Variants in DEPTOR observed in about 807,000 individuals in gnomAD.
The protein encoded by DEPTOR is DEP domain containing MTOR interacting protein, also known as DEP domain-containing mTOR-interacting protein.
DEPTOR carries 41 observed loss-of-function variants against 41.6 expected under a neutral mutation model. The observed-to-expected ratio is 0.98, with a 90% CI of 0.77 to 1.28. The LOEUF (loss-of-function observed/expected upper bound fraction) is 1.28. DEPTOR is among the 50% of genes most tolerant of loss of function. The pLI is 0.00. For synonymous variants in DEPTOR, 195 were observed against 192.3 expected, an observed-to-expected ratio of 1.01 and a Z score of -0.12; for missense variants, 514 against 527.9, an observed-to-expected ratio of 0.97 and a Z score of 0.26.
intron 8 of DEPTOR, among the ~76,000 whole-genome samples, chr8:120,027,875 C>G (rs1812822261): frequency 6.6e-6 from 1 of 152,078 alleles, no homozygotes; most frequent in South Asian, 2.1e-4. Context: ...TCAGAATCAC[C>G]TGGGAAACTC....
At chr8:119,999,056 G>A (rs1812310243) in intron 4 of DEPTOR, among the ~76,000 whole-genome samples, 1 of 152,024 alleles carries the variant, frequency 6.6e-6, no homozygotes, top group Non-Finnish European at 1.5e-5. Flanking sequence ...CTGAGGTTGG[G>A]AGTTTGAAAC....
intron 8 of DEPTOR, among the ~76,000 whole-genome samples, chr8:120,016,306 C>CT (rs978195505): frequency 3.7e-4 from 55 of 148,856 alleles, no homozygotes; most frequent in African/African-American, 1.2e-3. Flanking sequence ...TTTTTTTTTC[C>CT]TTTTTTTTTG....
intron 4 of DEPTOR, among the ~76,000 whole-genome samples, chr8:119,999,229 G>C (rs185784658): frequency 2.6e-4 from 40 of 151,110 alleles, no homozygotes; most frequent in Non-Finnish European, 4.6e-4. Context: ...CCGAGATTGT[G>C]CCATTGCACT....
intron 1 of DEPTOR, among the ~76,000 whole-genome samples, chr8:119,910,926 T>C (rs924247191): frequency 5.9e-5 from 9 of 152,176 alleles, no homozygotes; most frequent in African/African-American, 9.7e-5. Context: ...TTTGTGACTT[T>C]TTTGTTTCCT....
At chr8:119,892,760 G>A (rs571787867) in intron 1 of DEPTOR, among the ~76,000 whole-genome samples, 1 of 151,412 alleles carries the variant, frequency 6.6e-6, no homozygotes, top group Non-Finnish European at 1.5e-5. Context: ...GAAGAGCAGA[G>A]TCTGATTACT....
At chr8:120,039,117 T>A (rs1479879378) in intron 8 of DEPTOR, among the ~76,000 whole-genome samples, 1 of 152,160 alleles carries the variant, frequency 6.6e-6, no homozygotes, top group Non-Finnish European at 1.5e-5. Context: ...TGGGAAATGA[T>A]TAGGTCACTG....
chr8:119,979,092 G>T (rs1368681530), intron 4 of DEPTOR, among the ~76,000 whole-genome samples: 2 of 152,146 alleles, frequency 1.3e-5, no homozygotes, highest in Non-Finnish European at 2.9e-5. Context: ...GGAACGGTAT[G>T]AAGATGAAAT....
rs549539291 is a variant in DEPTOR, at chr8:119,943,488, G to A, written c.425+13550G>A. Among the ~76,000 whole-genome samples, 11 of 152,142 alleles carry A rather than the reference G, an allele frequency of 7.2e-5. No homozygotes were observed. The East Asian group carries it at 1.9e-3, about 27-fold the overall frequency. ...CTCGTGAGAACTCACTCACTATCAC[G>A]AGAACAGCATGGGGGAAACTGCCCC... On this transcript the variant is annotated intron_variant, in intron 3 of 8. Coordinates refer to ENST00000286234, the MANE Select transcript of DEPTOR (RefSeq NM_022783.4).
chr8:119,954,004 A>G (rs1828386746), intron 3 of DEPTOR, among the ~76,000 whole-genome samples: 1 of 150,616 alleles, frequency 6.6e-6, no homozygotes, highest in South Asian at 2.1e-4. Flanking sequence ...TGGGGTTTCA[A>G]CATGTTGGCC....
intron 8 of DEPTOR, among the ~76,000 whole-genome samples, chr8:120,011,599 T>G (rs561374131): frequency 6.6e-6 from 1 of 152,336 alleles, no homozygotes; most frequent in South Asian, 2.1e-4. Context: ...TGCTTTGGCT[T>G]AAAGAGCATT....
At position 119,940,054 on chromosome 8, in the gene DEPTOR, C is replaced by A. The variant is rs771889561; in HGVS notation, c.425+10116C>A. ...CCAACATGGAGAAACTCTGTCCCTA[C>A]TAAAAATTCAAAATTATCCAAGCTT... On this transcript the variant is annotated intron_variant, in intron 3 of 8. Transcript: ENST00000286234. 4.7e-4 allele frequency among the ~76,000 whole-genome samples: 72 copies of A among 151,790 alleles called. 3 individuals carry two copies. The highest frequency in any genetic ancestry group is 1.0e-4 in the Non-Finnish European group (7 of 67,952).
intron 3 of DEPTOR, among the ~76,000 whole-genome samples, chr8:119,960,908 C>G (rs182435517): frequency 1.3e-5 from 2 of 151,520 alleles, no homozygotes; most frequent in African/African-American, 2.4e-5. Flanking sequence ...TGCCTGAATC[C>G]GGGAGGCGGA....
intron 7 of DEPTOR, among the ~76,000 whole-genome samples, chr8:120,008,620 A>C (rs1392203809): frequency 3.3e-5 from 5 of 152,040 alleles, no homozygotes; most frequent in Non-Finnish European, 7.4e-5. Flanking sequence ...CAGGATCAAG[A>C]GTGTATCATT....
intron 1 of DEPTOR, among the ~76,000 whole-genome samples, chr8:119,886,282 A>G (rs559088556): frequency 1.3e-5 from 2 of 152,296 alleles, no homozygotes; most frequent in East Asian, 3.9e-4. Flanking sequence ...TATGGCTTGT[A>G]ATAACATCTG....
In DEPTOR at chr8:119,940,763, T is replaced by A. The variant is rs542371872; in HGVS notation, c.425+10825T>A. Among the ~76,000 whole-genome samples the A allele has an allele frequency of 8.2e-4, 124 of 151,752 alleles. 2 individuals carry two copies. Among genetic ancestry groups the A allele is most frequent in the South Asian group, 5.2e-3 (25 of 4,800 alleles). On this transcript the variant is annotated intron_variant, in intron 3 of 8. Transcript: ENST00000286234. ...CAAATTAAAAAAAGAATAATAATTT[T>A]AAAAAAAAGAAAAATTATTCTGACA...
intron 4 of DEPTOR, among the ~76,000 whole-genome samples, chr8:119,983,754 G>GT (rs199919462): frequency 0.022 from 2,981 of 134,202 alleles, 34 homozygotes; most frequent in Non-Finnish European, 0.035. Flanking sequence ...AAGTAGGTGG[G>GT]TTTTTTTTTC....
chr8:119,948,933 A>G (rs7005090), intron 3 of DEPTOR, among the ~76,000 whole-genome samples: 179 of 152,190 alleles, frequency 1.2e-3, no homozygotes, highest in African/African-American at 4.1e-3. Flanking sequence ...GATTACAGAC[A>G]TGCGCCACCA....
chr8:119,945,042 C>T (rs1245544468), intron 3 of DEPTOR, among the ~76,000 whole-genome samples: 3 of 152,086 alleles, frequency 2.0e-5, no homozygotes, highest in African/African-American at 7.2e-5. Context: ...GTGATTGAGT[C>T]TTGATGTGTC....
intron 8 of DEPTOR, among the ~76,000 whole-genome samples, chr8:120,039,462 A>C (rs1813025829): frequency 6.6e-6 from 1 of 152,228 alleles, no homozygotes; most frequent in Admixed American, 6.5e-5. Flanking sequence ...GCTTTATCTA[A>C]ATGTGTATGA....
Sources: allele counts gnomAD v4.1 joint callset (sites outside exome capture counted in the v4.1 genomes callset), GRCh38; gene constraint gnomAD v4.1.1; transcripts MANE v1.5; gene names NCBI Gene and HGNC (gene_info 2026-07-23, HGNC 2026-07-21).